ETV6: variants seen among roughly 807,000 people sequenced by gnomAD.
ETV6 encodes ETS variant transcription factor 6, also known as transcription factor ETV6.
In ETV6, 16 loss-of-function variants were observed where a neutral mutation model predicts 51.1. The observed-to-expected ratio is 0.31, with a 90% CI of 0.21 to 0.48. The LOEUF is 0.48. Ranked by LOEUF, ETV6 falls within the 20% of genes least tolerant of loss-of-function variation. The pLI, the probability that ETV6 is intolerant of heterozygous loss-of-function variation, is 0.99. For missense variants in ETV6, 458 were observed against 594.8 expected, an observed-to-expected ratio of 0.77 and a Z score of 2.39; for synonymous variants, 240 against 224.1, an observed-to-expected ratio of 1.07 and a Z score of -0.64.
rs2855747 is a variant in ETV6 at position 11,808,633 on chromosome 12, T to G, written c.164-30507T>G. 1.8e-4 allele frequency among the ~76,000 whole-genome samples: 28 copies of G among 152,326 alleles called. No homozygotes were observed. In the South Asian group the frequency reaches 5.6e-3, roughly 30 times the overall value. On this transcript the variant is annotated intron_variant, in intron 2 of 7. Coordinates refer to ENST00000396373, the MANE Select transcript of ETV6 (RefSeq NM_001987.5). ...TTTTATATAAGGGATTTGAGCATCCTTGGATTTTGGTATCTGGGCGGGGGG... is the reference window on the plus strand; with the variant it reads ...TTTTATATAAGGGATTTGAGCATCCGTGGATTTTGGTATCTGGGCGGGGGG...
At chr12:11,884,827 C>A (rs966141845) in intron 6 of ETV6, among the ~76,000 whole-genome samples, 3 of 152,150 alleles carry the variant, frequency 2.0e-5, no homozygotes, top group African/African-American at 7.2e-5. Context: ...TGCTGGGCTG[C>A]ATCATGAGTG....
intron 1 of ETV6, among the ~76,000 whole-genome samples, chr12:11,744,985 C>A (rs1865881761): frequency 6.6e-6 from 1 of 151,400 alleles, no homozygotes; most frequent in African/African-American, 2.4e-5. Context: ...AAAATGGGAA[C>A]AATAAAGAAG....
At chr12:11,763,054 G>A (rs1238902918) in intron 2 of ETV6, among the ~76,000 whole-genome samples, 2 of 152,092 alleles carry the variant, frequency 1.3e-5, no homozygotes, top group East Asian at 1.9e-4. Context: ...CCTGTTATTC[G>A]GATGGGTTGG....
chr12:11,844,975 G>T (rs1946440486), intron 3 of ETV6, among the ~76,000 whole-genome samples: 1 of 152,134 alleles, frequency 6.6e-6, no homozygotes, highest in South Asian at 2.1e-4. Flanking sequence ...GGGACTACAG[G>T]CGTGCGCCAC....
intron 2 of ETV6, among the ~76,000 whole-genome samples, chr12:11,799,769 T>C (rs781132504): frequency 6.6e-6 from 1 of 152,090 alleles, no homozygotes; most frequent in Non-Finnish European, 1.5e-5. Context: ...GTGTGTGTTT[T>C]ATTTTTTATT....
chr12:11,768,909 A>G (rs767020887), intron 2 of ETV6: 10 of 480,606 alleles, frequency 2.1e-5, no homozygotes, highest in Admixed American at 2.0e-4. Flanking sequence ...ATTCCTTGGA[A>G]ATACCATTTG....
At chr12:11,876,484 T>C (rs1327627429) in intron 5 of ETV6, among the ~76,000 whole-genome samples, 1 of 152,250 alleles carries the variant, frequency 6.6e-6, no homozygotes, top group African/African-American at 2.4e-5. Flanking sequence ...TCAGTCAGTT[T>C]AGTTTTCTCT....
At chr12:11,758,762 C>T (rs1307919485) in intron 2 of ETV6, among the ~76,000 whole-genome samples, 1 of 152,166 alleles carries the variant, frequency 6.6e-6, no homozygotes, top group Non-Finnish European at 1.5e-5. Flanking sequence ...GTGATATCAC[C>T]AGCAGAGTTG....
intron 1 of ETV6, among the ~76,000 whole-genome samples, chr12:11,663,759 G>T (rs1339201998): frequency 2.6e-3 from 7 of 2,668 alleles, no homozygotes; most frequent in African/African-American, 9.4e-3. Context: ...TTGGTAGGTT[G>T]TGTGTGTGTG....
chr12:11,812,713 T>A (rs1284250449), intron 2 of ETV6, among the ~76,000 whole-genome samples: 1 of 152,164 alleles, frequency 6.6e-6, no homozygotes, highest in Non-Finnish European at 1.5e-5. Context: ...TTCCTAGGAC[T>A]GTAACAAAAG....
At chr12:11,704,439 C>T (rs1051041273) in intron 1 of ETV6, among the ~76,000 whole-genome samples, 36 of 152,256 alleles carry the variant, frequency 2.4e-4, no homozygotes, top group Admixed American at 2.1e-3. Flanking sequence ...CTCTGCCTCC[C>T]AGGTTTAAGC....
At chr12:11,659,607 G>A (rs1431937645) in intron 1 of ETV6, among the ~76,000 whole-genome samples, 3 of 152,098 alleles carry the variant, frequency 2.0e-5, no homozygotes, top group African/African-American at 7.2e-5. Context: ...CTTCACTTAC[G>A]TCCCCTATAC....
intron 3 of ETV6, 55 bp downstream of exon 3, chr12:11,839,359 G>T (rs1363693063): frequency 5.8e-6 from 9 of 1,560,820 alleles, no homozygotes; most frequent in Non-Finnish European, 7.8e-6. Context: ...TTAGTTAGTG[G>T]TTGGTCTTTA....
rs550423751 is a variant in ETV6, at chr12:11,721,142, G to C, written c.34-31308G>C. The stretch of plus-strand genomic sequence containing the variant: ...GGAAATGTAACTTAGTTCAGTCATT[G>C]TAGAAAGCAGTTTGGAGATTTCTCA... On this transcript the variant is annotated intron_variant, in intron 1 of 7. Coordinates refer to ENST00000396373, the MANE Select transcript of ETV6 (RefSeq NM_001987.5). Among the ~76,000 whole-genome samples, 4 of 152,310 alleles carry C rather than the reference G, an allele frequency of 2.6e-5. No individual in the cohort carries two copies. In the South Asian group the frequency reaches 8.3e-4, roughly 32 times the overall value.
At chr12:11,761,527 G>A (rs1945086153) in intron 2 of ETV6, among the ~76,000 whole-genome samples, 1 of 152,248 alleles carries the variant, frequency 6.6e-6, no homozygotes, top group Non-Finnish European at 1.5e-5. Flanking sequence ...AATGAAGATT[G>A]TGTTACTGAG....
At chr12:11,770,568 T>G (rs1654883715) in intron 2 of ETV6, among the ~76,000 whole-genome samples, 1 of 152,190 alleles carries the variant, frequency 6.6e-6, no homozygotes, top group Non-Finnish European at 1.5e-5. Context: ...ATGCTAGACT[T>G]GTTTTGTTAG....
intron 1 of ETV6, among the ~76,000 whole-genome samples, chr12:11,680,038 C>G (rs1209157651): frequency 6.6e-6 from 1 of 152,176 alleles, no homozygotes; most frequent in East Asian, 1.9e-4. Context: ...TAGTTTTTCT[C>G]TGTAAAAGTT....
chr12:11,884,890 G>T (rs143609603), intron 6 of ETV6, among the ~76,000 whole-genome samples: 1 of 152,226 alleles, frequency 6.6e-6, no homozygotes, highest in African/African-American at 2.4e-5. Flanking sequence ...CTGTTGTTAG[G>T]AACTGGGTAA....
At chr12:11,653,905 T>A (rs1863953431) in intron 1 of ETV6, among the ~76,000 whole-genome samples, 1 of 152,074 alleles carries the variant, frequency 6.6e-6, no homozygotes, top group Non-Finnish European at 1.5e-5. Flanking sequence ...CTCTACCTCC[T>A]AGGTTCAAGC....
Sources: gnomAD v4.1 joint callset for allele counts (sites outside exome capture counted in the v4.1 genomes callset) on GRCh38, gnomAD v4.1.1 for gene constraint, MANE v1.5 for transcripts, NCBI Gene and HGNC (gene_info 2026-07-23, HGNC 2026-07-21) for gene names.